DSG4: variants seen among roughly 807,000 people sequenced by gnomAD.
DSG4 encodes desmoglein-4.
In DSG4, 87 loss-of-function variants were observed where a neutral mutation model predicts 93.1. The ratio of observed to expected loss-of-function variants is 0.93; its 90% CI spans 0.79 to 1.12. The LOEUF is 1.12. Among genes scored for constraint, DSG4 ranks in the 50% most tolerant of loss-of-function variants. The probability of loss-of-function intolerance (pLI) is 0.00; values close to 1 mark genes in which losing one functional copy is unlikely to be tolerated. For synonymous variants in DSG4, 432 were observed against 452.9 expected (o/e 0.95, Z 0.59); for missense variants, 1,373 against 1,285.7 (o/e 1.07, Z -1.04).
chr18:31,409,196 A>T (rs1474744208), intron 12 of DSG4, among the ~76,000 whole-genome samples: 1 of 152,208 alleles, frequency 6.6e-6, no homozygotes. Context: ...CTAATCTGTC[A>T]GCAAAGAAAT....
In DSG4 at chr18:31,388,531, T is replaced by G; in HGVS notation, c.372+9T>G. The stretch of plus-strand genomic sequence containing the variant: ...TAACTCCACTTTTCTTGGTAAGTCA[T>G]AGCCATATGTTTTGATTTGTTCATA... On this transcript the variant is annotated intron_variant, in intron 4 of 15. Transcript: ENST00000308128. 6.2e-7 allele frequency: 1 copy of G among 1,613,186 alleles called. No homozygotes were observed. The highest frequency in any genetic ancestry group is 8.5e-7 in the Non-Finnish European group (1 of 1,179,394).
intron 10 of DSG4, among the ~76,000 whole-genome samples, chr18:31,402,521 A>C (rs1165266557): frequency 6.6e-6 from 1 of 152,166 alleles, no homozygotes; most frequent in Non-Finnish European, 1.5e-5. Context: ...AATCATATAG[A>C]CTATAGGTAG....
At chr18:31,406,019 C>T in intron 11 of DSG4, 58 bp from the exon 12 acceptor site, 1 of 1,597,934 alleles carries the variant, frequency 6.3e-7, no homozygotes, top group East Asian at 2.2e-5. Flanking sequence ...GAGTTAACCA[C>T]CCCCCTAGCC....
chr18:31,395,342 T>C (rs2072294845), intron 8 of DSG4, among the ~76,000 whole-genome samples: 1 of 151,854 alleles, frequency 6.6e-6, no homozygotes, highest in Admixed American at 6.6e-5. Context: ...ATGCTGTATA[T>C]ACAAAGCCCT....
intron 14 of DSG4, among the ~76,000 whole-genome samples, chr18:31,410,872 G>A (rs1307804742): frequency 6.6e-6 from 1 of 152,150 alleles, no homozygotes; most frequent in Non-Finnish European, 1.5e-5. Flanking sequence ...CTGCAATCAC[G>A]CCGCTGGCCT....
At chr18:31,403,300 G>A in intron 10 of DSG4, 116 bp from the exon 11 acceptor site, 1 of 877,150 alleles carries the variant, frequency 1.1e-6, no homozygotes, top group Non-Finnish European at 1.8e-6. Flanking sequence ...AACCTGTCAA[G>A]CCTCCCAAGT....
chr18:31,377,182 C>T (rs1030480200), intron 1 of DSG4, among the ~76,000 whole-genome samples: 1 of 152,016 alleles, frequency 6.6e-6, no homozygotes, highest in African/African-American at 2.4e-5. Context: ...AATTTATATG[C>T]CCTCAGAGAC....
Position 31,414,019 on chromosome 18 carries a change from AT to A in DSG4, c.*426del, listed in dbSNP as rs1568076108. On this transcript the variant is annotated 3_prime_UTR_variant, in exon 16 of 16. Transcript: ENST00000308128. ...GGAAATATTTATATTAAAATTTTTA[AT>A]TGAAAAGTTGAATGAAATGTACATT... 6.1e-6 allele frequency: 1 copy of A among 162,610 alleles called. No homozygotes were observed. 10.1% of individuals were successfully genotyped at this position (162,610 alleles called of 1,614,324 possible).
chr18:31,392,061 T>A, intron 7 of DSG4, 94 bp from the exon 8 acceptor site: 1 of 1,208,362 alleles, frequency 8.3e-7, no homozygotes, highest in Non-Finnish European at 1.2e-6. Flanking sequence ...ATCGACATAG[T>A]TTGTTGTTAG....
intron 1 of DSG4, among the ~76,000 whole-genome samples, chr18:31,380,750 A>T (rs2072124724): frequency 6.6e-6 from 1 of 152,204 alleles, no homozygotes; most frequent in African/African-American, 2.4e-5. Context: ...ATGACTTCCA[A>T]ACTGACTACT....
At chr18:31,398,827 G>C (rs145544683) in intron 8 of DSG4, among the ~76,000 whole-genome samples, 102 of 151,888 alleles carry the variant, frequency 6.7e-4, no homozygotes, top group Non-Finnish European at 1.1e-3. Flanking sequence ...ATATATATTA[G>C]CACCTTTATT....
chr18:31,387,876 T>C (rs1241969091), intron 3 of DSG4, among the ~76,000 whole-genome samples: 1 of 152,150 alleles, frequency 6.6e-6, no homozygotes, highest in Non-Finnish European at 1.5e-5. Flanking sequence ...AGAAAAGTGA[T>C]GCAGTATGTT....
chr18:31,409,844 T>G, intron 14 of DSG4, 36 bp downstream of exon 14: 1 of 1,612,128 alleles, frequency 6.2e-7, no homozygotes, highest in East Asian at 2.2e-5. Flanking sequence ...TCCTTTTAAA[T>G]TTTTCAAAAT....
At chr18:31,383,749 C>T (rs1327038998) in intron 1 of DSG4, among the ~76,000 whole-genome samples, 1 of 152,068 alleles carries the variant, frequency 6.6e-6, no homozygotes, top group East Asian at 1.9e-4. Flanking sequence ...CCATGGCAAA[C>T]GTTATTCTGT....
chr18:31,400,235 G>A (rs549939854), intron 9 of DSG4, among the ~76,000 whole-genome samples: 2 of 152,278 alleles, frequency 1.3e-5, no homozygotes, highest in African/African-American at 2.4e-5. Flanking sequence ...TTACCTTGAT[G>A]TTCACAGTTT....
chr18:31,389,421 G>T (rs1201934234), intron 5 of DSG4, among the ~76,000 whole-genome samples: 1 of 152,122 alleles, frequency 6.6e-6, no homozygotes, highest in African/African-American at 2.4e-5. Context: ...ACACGCAATT[G>T]TACCCATCAG....
intron 3 of DSG4, 89 bp downstream of exon 3, chr18:31,386,908 A>G: frequency 6.3e-7 from 1 of 1,581,400 alleles, no homozygotes; most frequent in Non-Finnish European, 8.7e-7. Context: ...TCACTGCTCC[A>G]CAGTTATTTA....
At chr18:31,377,997 T>A (rs1309592016) in intron 1 of DSG4, among the ~76,000 whole-genome samples, 2 of 152,130 alleles carry the variant, frequency 1.3e-5, no homozygotes, top group Admixed American at 1.3e-4. Flanking sequence ...GAGCACGTCA[T>A]TGTCCAAGAG....
intron 10 of DSG4, 26 bp downstream of exon 10, chr18:31,401,046 T>A (rs2072360545): frequency 6.5e-7 from 1 of 1,543,184 alleles, no homozygotes; most frequent in East Asian, 2.3e-5. Context: ...TTCAGTATTT[T>A]AAGAAAACTA....
Sources: gnomAD v4.1 joint callset for allele counts (sites outside exome capture counted in the v4.1 genomes callset) on GRCh38, gnomAD v4.1.1 for gene constraint, MANE v1.5 for transcripts, NCBI Gene and HGNC (gene_info 2026-07-23, HGNC 2026-07-21) for gene names.